Variants in EFCAB5 observed in about 807,000 individuals in gnomAD.
EFCAB5 encodes the protein EF-hand calcium binding domain 5.
In EFCAB5, 131 loss-of-function variants were observed where a neutral mutation model predicts 167.9. The observed-to-expected ratio is 0.78, with a 90% confidence interval of 0.68 to 0.90. The LOEUF is 0.90. EFCAB5 is among the 40% of genes least tolerant of loss of function. The pLI, the probability that EFCAB5 is intolerant of heterozygous loss-of-function variation, is 0.00. For synonymous variants in EFCAB5, 574 were observed against 602.8 expected (o/e 0.95, Z 0.70); for missense variants, 1,663 against 1,745.2 (o/e 0.95, Z 0.84).
chr17:30,080,225 G>C lies in EFCAB5; in HGVS notation c.3181G>C (p.Asp1061His), dbSNP rs779351229. Reference protein sequence around the residue: ...QFVLNRVLYRDMKGISFTVVD... With the variant: ...QFVLNRVLYRHMKGISFTVVD... ...TGTACTGAACAGAGTGCTCTACAGG[G>C]ACATGAAAGGAATCAGGTAAGAACT... The change falls in exon 16 of 23, where the codon GAC becomes CAC. Residue 1061 changes from aspartate to histidine, a missense_variant. By Grantham distance (81) the Asp-to-His change is moderately conservative. Transcript: ENST00000394835. The C allele has an allele frequency of 2.0e-5, 32 of 1,585,686 alleles. No homozygotes were observed. Among genetic ancestry groups the C allele is most frequent in the Non-Finnish European group, 2.5e-5 (29 of 1,171,510 alleles).
intron 14 of EFCAB5, among the ~76,000 whole-genome samples, chr17:30,066,524 T>C (rs959328525): frequency 1.3e-5 from 2 of 152,140 alleles, no homozygotes; most frequent in African/African-American, 2.4e-5. Context: ...AAAAGCAGTA[T>C]TGAAAGAGAA....
intron 3 of EFCAB5, among the ~76,000 whole-genome samples, chr17:29,956,300 C>T (rs1018582235): frequency 1.3e-5 from 2 of 152,176 alleles, no homozygotes; most frequent in South Asian, 4.1e-4. Flanking sequence ...AAGAACAATT[C>T]AGGAATCAGG....
chr17:29,968,742 T>C, intron 3 of EFCAB5, 49 bp from the exon 4 acceptor site: 1 of 1,383,972 alleles, frequency 7.2e-7, no homozygotes, highest in Non-Finnish European at 9.5e-7. Context: ...TCACATAGAT[T>C]AAAATTTACT....
At chr17:29,950,157 C>G (rs901953719) in intron 3 of EFCAB5, among the ~76,000 whole-genome samples, 1 of 152,176 alleles carries the variant, frequency 6.6e-6, no homozygotes, top group Non-Finnish European at 1.5e-5. Context: ...TCCTCTTCCT[C>G]CTCTCCTCAG....
rs1160360084 is a variant in EFCAB5, at chr17:30,056,090, A to T, written c.2299A>T (p.Met767Leu). 2 of 1,612,674 alleles carry T rather than the reference A, an allele frequency of 1.2e-6. No individual in the cohort carries two copies. Among genetic ancestry groups the T allele is most frequent in the Admixed American group, 1.7e-5 (1 of 59,826 alleles). ...SGEFFTCNWK[M>L]KYVTFEDEEQ... ...TGAATTTTTTACTTGTAACTGGAAA[A>T]TGAAGTATGTCACATTTGAAGATGA... Residue 767 changes from methionine (M) to leucine (L), a missense_variant, in exon 12 of 23, where the codon ATG becomes TTG. Coordinates refer to ENST00000394835, the MANE Select transcript of EFCAB5 (RefSeq NM_198529.4).
chr17:30,072,863 C>T (rs2070775164), intron 14 of EFCAB5, among the ~76,000 whole-genome samples: 1 of 151,996 alleles, frequency 6.6e-6, no homozygotes, highest in Non-Finnish European at 1.5e-5. Context: ...CCATATAAAC[C>T]ATTCTTCCTT....
At chr17:29,956,833 G>C (rs776092661) in intron 3 of EFCAB5, among the ~76,000 whole-genome samples, 1 of 152,114 alleles carries the variant, frequency 6.6e-6, no homozygotes, top group Non-Finnish European at 1.5e-5. Flanking sequence ...AGCGGGGAGG[G>C]AGGGAGAGAG....
chr17:30,071,822 G>GA (rs913319794), intron 14 of EFCAB5, among the ~76,000 whole-genome samples: 11 of 152,174 alleles, frequency 7.2e-5, no homozygotes, highest in African/African-American at 2.6e-4. Flanking sequence ...CCACCAAAAA[G>GA]AAAAAAATCT....
At chr17:29,983,563 T>G (rs902417979) in intron 4 of EFCAB5, among the ~76,000 whole-genome samples, 2 of 152,188 alleles carry the variant, frequency 1.3e-5, no homozygotes, top group Non-Finnish European at 2.9e-5. Flanking sequence ...TTTTCCATAA[T>G]GTAGTTTTTC....
intron 3 of EFCAB5, among the ~76,000 whole-genome samples, chr17:29,956,284 T>C (rs34625018): frequency 0.17 from 25,426 of 152,178 alleles, 2,810 homozygotes; most frequent in Non-Finnish European, 0.24. Flanking sequence ...AGAGTGTAAT[T>C]GAACAAAGAA....
intron 14 of EFCAB5, among the ~76,000 whole-genome samples, chr17:30,064,929 A>C (rs2070520771): frequency 6.6e-6 from 1 of 152,228 alleles, no homozygotes; most frequent in Non-Finnish European, 1.5e-5. Flanking sequence ...GCTGAAAGAA[A>C]AAAAAATTAC....
chr17:30,068,974 AC>A (rs2070654442), intron 14 of EFCAB5: 1 of 1,479,208 alleles, frequency 6.8e-7, no homozygotes, highest in African/African-American at 1.4e-5. Context: ...ACAACTACGA[AC>A]AGAAGCTCAC....
At chr17:30,067,493 A>T (rs547958878) in intron 14 of EFCAB5, among the ~76,000 whole-genome samples, 1 of 152,084 alleles carries the variant, frequency 6.6e-6, no homozygotes, top group South Asian at 2.1e-4. Context: ...AAGATCATTC[A>T]CCCTGATCAA....
chr17:29,977,749 A>G (rs2068089934), intron 4 of EFCAB5, among the ~76,000 whole-genome samples: 1 of 152,234 alleles, frequency 6.6e-6, no homozygotes, highest in African/African-American at 2.4e-5. Flanking sequence ...TACATACAAG[A>G]GAAGACCAAG....
chr17:30,048,907 T>A (rs1382708749), intron 8 of EFCAB5, among the ~76,000 whole-genome samples: 1 of 152,200 alleles, frequency 6.6e-6, no homozygotes, highest in African/African-American at 2.4e-5. Flanking sequence ...GTCTGGCAAA[T>A]GCTGTTTTCT....
At chr17:30,028,688 G>A (rs931121497) in intron 7 of EFCAB5, among the ~76,000 whole-genome samples, 4 of 152,180 alleles carry the variant, frequency 2.6e-5, no homozygotes, top group African/African-American at 4.8e-5. Flanking sequence ...AAGTACCACA[G>A]ATTGAGAGGT....
chr17:29,974,870 C>T (rs536858804), intron 4 of EFCAB5, among the ~76,000 whole-genome samples: 10 of 151,958 alleles, frequency 6.6e-5, no homozygotes, highest in African/African-American at 2.2e-4. Flanking sequence ...TCACATGGCA[C>T]AAAATATTAT....
Position 30,060,146 on chromosome 17 carries a change from G to A in EFCAB5, c.2737+445G>A, listed in dbSNP as rs189574488. ...ATAGTTAGATTCCTTCAGTATACCT[G>A]GCTACTCTCACTATGTAACTAACCT... On this transcript the variant is annotated intron_variant, in intron 14 of 22. Transcript: ENST00000394835. Among the ~76,000 whole-genome samples the A allele has an allele frequency of 1.9e-3, 296 of 152,004 alleles. 3 individuals are homozygous for A. Among genetic ancestry groups the A allele is most frequent in the Admixed American group, 2.4e-3 (36 of 15,274 alleles).
At chr17:30,012,694 A>G (rs1306796873) in intron 7 of EFCAB5, among the ~76,000 whole-genome samples, 1 of 151,882 alleles carries the variant, frequency 6.6e-6, no homozygotes, top group Non-Finnish European at 1.5e-5. Flanking sequence ...CTTTTCTTTT[A>G]TCTCTTTGTC....
Sources: allele counts gnomAD v4.1 joint callset (sites outside exome capture counted in the v4.1 genomes callset), GRCh38; gene constraint gnomAD v4.1.1; transcripts MANE v1.5; gene names NCBI Gene and HGNC (gene_info 2026-07-23, HGNC 2026-07-21).